Variants in ATP8A2 observed in about 807,000 individuals in gnomAD.
ATP8A2 encodes phospholipid-transporting ATPase IB.
Under a neutral mutation model 165.6 loss-of-function variants are expected in ATP8A2, and 100 were observed. The ratio of observed to expected loss-of-function variants is 0.60; its 90% CI spans 0.51 to 0.71. The LOEUF (loss-of-function observed/expected upper bound fraction) is 0.71, where lower values mean the gene tolerates loss of function less well. Ranked by LOEUF, ATP8A2 falls within the 30% of genes least tolerant of loss-of-function variation. The pLI is 0.00. For synonymous variants in ATP8A2, 543 were observed against 548.8 expected, an observed-to-expected ratio of 0.99 and a Z score of 0.15; for missense variants, 1,227 against 1,479.5, an observed-to-expected ratio of 0.83 and a Z score of 2.80.
At chr13:25,637,202 A>G (rs911696997) in intron 24 of ATP8A2, among the ~76,000 whole-genome samples, 1 of 151,682 alleles carries the variant, frequency 6.6e-6, no homozygotes, top group African/African-American at 2.4e-5. Flanking sequence ...GATGGGTGAT[A>G]TCTGCATTTC....
At chr13:25,927,034 T>G (rs1954626968) in intron 33 of ATP8A2, 1 of 427,544 alleles carries the variant, frequency 2.3e-6, no homozygotes, top group Admixed American at 2.4e-5. Context: ...CTTGCCACTC[T>G]CTCCTGTGTG....
In ATP8A2 at chr13:25,724,654, C is replaced by T. The variant is rs1055351426; in HGVS notation, c.2384+25309C>T. Among the ~76,000 whole-genome samples the T allele has an allele frequency of 2.0e-5, 3 of 152,304 alleles. 1 individual carries two copies. The highest frequency in any genetic ancestry group is 4.1e-4 in the South Asian group (2 of 4,822). On this transcript the variant is annotated intron_variant, in intron 25 of 36. Transcript: ENST00000381655. ...ATTGACTTCTTTGGGCTCCACAGCA[C>T]ATGCAGGCTGCTGTCTAGTCCTTGG...
At position 25,712,321 on chromosome 13, in the gene ATP8A2, A is replaced by G. The variant is rs114965622; in HGVS notation, c.2384+12976A>G. Among the ~76,000 whole-genome samples, 1,378 of 152,100 alleles carry G rather than the reference A, an allele frequency of 9.1e-3. 23 individuals are homozygous for G. Among genetic ancestry groups the G allele is most frequent in the African/African-American group, 0.031 (1,293 of 41,408 alleles). On this transcript the variant is annotated intron_variant, in intron 25 of 36. Coordinates refer to ENST00000381655, the MANE Select transcript of ATP8A2 (RefSeq NM_016529.6). ...AGTACCATGAGGGTCTTCATCTTCC[A>G]GGTGTGGAGGTGGCTTATGTCAGTT...
At chr13:25,374,170 C>T (rs1324404571) in intron 1 of ATP8A2, among the ~76,000 whole-genome samples, 1 of 152,106 alleles carries the variant, frequency 6.6e-6, no homozygotes, top group Non-Finnish European at 1.5e-5. Context: ...TCCCCGGAAA[C>T]CCGGAGGGAG....
At chr13:25,644,517 A>AT (rs35771674) in intron 24 of ATP8A2, among the ~76,000 whole-genome samples, 87,583 of 147,634 alleles carry the variant, frequency 0.59, 26,195 homozygotes, top group Middle Eastern at 0.68. Flanking sequence ...GGCTTGCAGT[A>AT]TTTTTTTTTT....
At chr13:25,392,142 TC>T (rs2033271618) in intron 1 of ATP8A2, among the ~76,000 whole-genome samples, 2 of 152,192 alleles carry the variant, frequency 1.3e-5, no homozygotes, top group Non-Finnish European at 2.9e-5. Context: ...GCACCACCCC[TC>T]AAGTGCCTGA....
At position 25,416,721 on chromosome 13, in the gene ATP8A2, C is replaced by A. The variant is rs374054706; in HGVS notation, c.76+44433C>A. ...GTAATTTGTTGTATCACATGACTTACAAATTGCCCAGGAGAAGCATAAATT... is the reference window on the plus strand; with the variant it reads ...GTAATTTGTTGTATCACATGACTTAAAAATTGCCCAGGAGAAGCATAAATT... On this transcript the variant is annotated intron_variant, in intron 1 of 36. Coordinates refer to ENST00000381655, the MANE Select transcript of ATP8A2 (RefSeq NM_016529.6). Among the ~76,000 whole-genome samples the A allele has an allele frequency of 6.1e-4, 93 of 152,298 alleles. 1 individual carries two copies. In the South Asian group the frequency reaches 0.013, roughly 21 times the overall value.
Position 25,953,478 on chromosome 13 carries a change from G to A in ATP8A2, c.3184-8097G>A, listed in dbSNP as rs1249170133. On this transcript the variant is annotated intron_variant, in intron 33 of 36. Coordinates refer to ENST00000381655, the MANE Select transcript of ATP8A2 (RefSeq NM_016529.6). The surrounding 1 kb of genome is among the most constrained non-coding windows in gnomAD (Gnocchi z 6.7). The stretch of plus-strand genomic sequence containing the variant: ...CTTTTCAAATCCACGCCACATTGGG[G>A]AACACAAACTGACCTTATGTAGCCC... 6.9e-6 allele frequency among the ~76,000 whole-genome samples: 1 copy of A among 145,716 alleles called. No homozygotes were observed. Among genetic ancestry groups the A allele is most frequent in the African/African-American group, 2.6e-5 (1 of 38,922 alleles).
intron 26 of ATP8A2, among the ~76,000 whole-genome samples, chr13:25,771,940 C>A (rs560605889): frequency 2.6e-5 from 4 of 152,248 alleles, no homozygotes; most frequent in Admixed American, 2.0e-4. Context: ...AATGTGGATG[C>A]ATTTTTTTTA....
chr13:25,467,363 C>G (rs2035696635), intron 1 of ATP8A2, among the ~76,000 whole-genome samples: 1 of 152,324 alleles, frequency 6.6e-6, no homozygotes, highest in African/African-American at 2.4e-5. Context: ...ACTTAATATT[C>G]GGAATAATAT....
At chr13:25,487,052 T>C (rs1277508162) in intron 2 of ATP8A2, among the ~76,000 whole-genome samples, 2 of 152,194 alleles carry the variant, frequency 1.3e-5, no homozygotes, top group African/African-American at 4.8e-5. Context: ...ATTATCTGCT[T>C]AGTAAGACTT....
intron 24 of ATP8A2, among the ~76,000 whole-genome samples, chr13:25,618,606 A>G (rs1255648106): frequency 6.7e-6 from 1 of 150,054 alleles, no homozygotes; most frequent in Non-Finnish European, 1.5e-5. Flanking sequence ...GAAGAATTCT[A>G]TTAATGGCAG....
intron 27 of ATP8A2, among the ~76,000 whole-genome samples, chr13:25,820,204 G>A (rs1340538324): frequency 6.6e-6 from 1 of 152,176 alleles, no homozygotes; most frequent in African/African-American, 2.4e-5. Context: ...TGTGTTTTTG[G>A]CAGTCAGGCA....
At chr13:25,510,124 A>C (rs1433222195) in intron 2 of ATP8A2, among the ~76,000 whole-genome samples, 1 of 151,726 alleles carries the variant, frequency 6.6e-6, no homozygotes, top group Non-Finnish European at 1.5e-5. Flanking sequence ...AAGACAAGAA[A>C]TTTCTTTCTC....
chr13:25,637,592 G>C (rs1424470494), intron 24 of ATP8A2, among the ~76,000 whole-genome samples: 1 of 152,168 alleles, frequency 6.6e-6, no homozygotes, highest in Non-Finnish European at 1.5e-5. Context: ...GCTTGAGTAG[G>C]TAAACAAAGC....
At chr13:25,695,125 A>T (rs1311168490) in intron 24 of ATP8A2, among the ~76,000 whole-genome samples, 1 of 147,580 alleles carries the variant, frequency 6.8e-6, no homozygotes, top group Non-Finnish European at 1.5e-5. Context: ...AAAGCAAGTC[A>T]CACTATCTTT....
At chr13:25,583,721 C>T (rs772767316) in intron 23 of ATP8A2, among the ~76,000 whole-genome samples, 4 of 152,170 alleles carry the variant, frequency 2.6e-5, no homozygotes, top group Non-Finnish European at 5.9e-5. Context: ...GATTATTACT[C>T]AAAAACGAAA....
At chr13:25,990,925 C>T (rs939683811) in intron 35 of ATP8A2, among the ~76,000 whole-genome samples, 9 of 152,156 alleles carry the variant, frequency 5.9e-5, no homozygotes, top group African/African-American at 1.9e-4. Context: ...TCCTAGCAGC[C>T]CCGTGACTCC....
chr13:25,395,243 G>T (rs1435996885), intron 1 of ATP8A2, among the ~76,000 whole-genome samples: 30 of 152,082 alleles, frequency 2.0e-4, no homozygotes, highest in Admixed American at 2.0e-3. Flanking sequence ...TCAGTAGGCT[G>T]CTGGTCCATC....
Sources: gnomAD v4.1 joint callset for allele counts (sites outside exome capture counted in the v4.1 genomes callset) on GRCh38, gnomAD v4.1.1 for gene constraint, Gnocchi (gnomAD v3.1) non-coding constraint, MANE v1.5 for transcripts, NCBI Gene and HGNC (gene_info 2026-07-23, HGNC 2026-07-21) for gene names.